ARMC9: variants seen among roughly 807,000 people sequenced by gnomAD.
The protein encoded by ARMC9 is lisH domain-containing protein ARMC9.
ARMC9 carries 94 observed loss-of-function variants against 107.0 expected under a neutral mutation model. That is an observed-to-expected ratio of 0.88 (90% confidence interval 0.74 to 1.04). The LOEUF (loss-of-function observed/expected upper bound fraction) is 1.04, where lower values mean the gene tolerates loss of function less well. ARMC9 is among the 50% of genes least tolerant of loss of function. The pLI is 0.00. For synonymous variants in ARMC9, 380 were observed against 396.9 expected (o/e 0.96, Z 0.51); for missense variants, 942 against 1,030.1 (o/e 0.91, Z 1.17).
At chr2:231,359,137 G>A (rs2045466457) in intron 22 of ARMC9, among the ~76,000 whole-genome samples, 1 of 145,554 alleles carries the variant, frequency 6.9e-6, no homozygotes. Context: ...CCAGGCTGGA[G>A]TGCAGTGGTG....
At chr2:231,223,982 T>G (rs1422485498) in intron 6 of ARMC9, among the ~76,000 whole-genome samples, 1 of 152,172 alleles carries the variant, frequency 6.6e-6, no homozygotes, top group Non-Finnish European at 1.5e-5. Flanking sequence ...ATTTCTCAGC[T>G]TAATTTTTTT....
intron 19 of ARMC9, among the ~76,000 whole-genome samples, chr2:231,329,391 A>G (rs1575102541): frequency 1.3e-5 from 2 of 151,482 alleles, no homozygotes; most frequent in African/African-American, 4.9e-5. Context: ...GCTCACTTCA[A>G]CCTCCGCCTC....
At chr2:231,259,756 G>A (rs1559364915) in intron 11 of ARMC9, among the ~76,000 whole-genome samples, 1 of 152,196 alleles carries the variant, frequency 6.6e-6, no homozygotes, top group Non-Finnish European at 1.5e-5. Context: ...ACACTGGCAG[G>A]CCGAGGCAGG....
chr2:231,362,428 G>A lies in ARMC9; in HGVS notation c.2261+1545G>A, dbSNP rs1190416690. On this transcript the variant is annotated intron_variant, in intron 23 of 24. Coordinates refer to ENST00000611582, the MANE Select transcript of ARMC9 (RefSeq NM_001352754.2). This position sits in a 1 kb window ranked among gnomAD's most constrained non-coding sequence, Gnocchi z 4.7. ...TTTCTGAGGCTCTCCACTGGGGACA[G>A]CCCTCTCTCCCCAGAAATAACTGTT... 6.6e-6 allele frequency among the ~76,000 whole-genome samples: 1 copy of A among 152,012 alleles called. No homozygotes were observed. Among genetic ancestry groups the A allele is most frequent in the African/African-American group, 2.4e-5 (1 of 41,318 alleles).
At chr2:231,208,015 T>G (rs904683664) in intron 2 of ARMC9, 112 bp from the exon 3 acceptor site, 8 of 582,758 alleles carry the variant, frequency 1.4e-5, no homozygotes, top group African/African-American at 1.1e-4. Flanking sequence ...CATGTATCTG[T>G]TGGTCTTTTT....
At chr2:231,246,004 G>A (rs1209921076) in intron 9 of ARMC9, among the ~76,000 whole-genome samples, 2 of 152,158 alleles carry the variant, frequency 1.3e-5, no homozygotes, top group Non-Finnish European at 2.9e-5. Context: ...CAACTCCTAA[G>A]GTAGAAATTC....
chr2:231,213,162 T>C (rs78057594), intron 3 of ARMC9, among the ~76,000 whole-genome samples: 1 of 144,848 alleles, frequency 6.9e-6, no homozygotes, highest in African/African-American at 2.7e-5. Context: ...TAAACGTTTT[T>C]TCTTTTTTTT....
chr2:231,268,003 T>C (rs971325394), intron 12 of ARMC9, among the ~76,000 whole-genome samples: 2 of 152,190 alleles, frequency 1.3e-5, no homozygotes, highest in Non-Finnish European at 2.9e-5. Context: ...TGTGATGTAT[T>C]TGTAAAATGG....
chr2:231,309,313 T>G (rs2042206525), intron 19 of ARMC9, among the ~76,000 whole-genome samples: 1 of 152,218 alleles, frequency 6.6e-6, no homozygotes, highest in African/African-American at 2.4e-5. Flanking sequence ...ATCGGTTGCC[T>G]TGGAAACAGG....
chr2:231,299,303 T>C (rs1027099517), intron 19 of ARMC9, among the ~76,000 whole-genome samples: 2 of 152,018 alleles, frequency 1.3e-5, no homozygotes, highest in African/African-American at 2.4e-5. Context: ...AAAAAGCAAA[T>C]GTATAAAGAC....
chr2:231,313,753 T>C (rs1181707168), intron 19 of ARMC9, among the ~76,000 whole-genome samples: 1 of 151,908 alleles, frequency 6.6e-6, no homozygotes, highest in Non-Finnish European at 1.5e-5. Flanking sequence ...TGTTTTCATT[T>C]TCTTTTTTTT....
At chr2:231,366,727 G>A (rs1449871291) in intron 23 of ARMC9, among the ~76,000 whole-genome samples, 1 of 151,552 alleles carries the variant, frequency 6.6e-6, no homozygotes, top group African/African-American at 2.4e-5. Context: ...TGTAGTCCCA[G>A]CTACTCGGGA....
rs549471674 is a variant in ARMC9, at chr2:231,324,273, A to G, written c.1774-7520A>G. Among the ~76,000 whole-genome samples, 159 of 151,278 alleles carry G rather than the reference A, an allele frequency of 1.1e-3. 1 individual carries two copies. Among genetic ancestry groups the G allele is most frequent in the Non-Finnish European group, 1.3e-3 (90 of 67,772 alleles). ...CTCCTGAGTAGCTGGGACTACAGGC[A>G]CACGCCACCACGCCCAGCTAATTTT... On this transcript the variant is annotated intron_variant, in intron 19 of 24. Transcript: ENST00000611582.
At chr2:231,280,042 T>C (rs548510231) in intron 16 of ARMC9, among the ~76,000 whole-genome samples, 10 of 152,362 alleles carry the variant, frequency 6.6e-5, no homozygotes, top group Admixed American at 2.0e-4. Flanking sequence ...AAACATATTC[T>C]TCCATCTCAT....
At chr2:231,369,907 C>G in intron 23 of ARMC9, 46 bp from the exon 24 acceptor site, 4 of 1,429,732 alleles carry the variant, frequency 2.8e-6, no homozygotes, top group Non-Finnish European at 3.7e-6. Flanking sequence ...CCTGTGGTTT[C>G]TAATGCTGTA....
rs2045422484 is a variant in ARMC9, at chr2:231,358,288, C to A, written c.2131+2354C>A. Among the ~76,000 whole-genome samples the A allele has an allele frequency of 6.6e-6, 1 of 152,190 alleles. No individual in the cohort carries two copies. Among genetic ancestry groups the A allele is most frequent in the Non-Finnish European group, 1.5e-5 (1 of 68,034 alleles). ...TGCCTTCTGCTTCATTCCTTCCCTGCTCAGGAGCTTGCTCTGACTTCCTCC... is the reference window on the plus strand; with the variant it reads ...TGCCTTCTGCTTCATTCCTTCCCTGATCAGGAGCTTGCTCTGACTTCCTCC... On this transcript the variant is annotated intron_variant, in intron 22 of 24. Transcript: ENST00000611582. The surrounding 1 kb of genome is among the most constrained non-coding windows in gnomAD (Gnocchi z 4.5).
chr2:231,352,878 C>G (rs566667638), intron 21 of ARMC9, among the ~76,000 whole-genome samples: 4 of 111,574 alleles, frequency 3.6e-5, no homozygotes, highest in Admixed American at 2.3e-4. Context: ...CAGCCTGGGC[C>G]AAGATGGTGA....
chr2:231,303,956 G>T (rs547249300), intron 19 of ARMC9, among the ~76,000 whole-genome samples: 1 of 151,256 alleles, frequency 6.6e-6, no homozygotes, highest in South Asian at 2.1e-4. Context: ...TTATGGCCAG[G>T]CGTGGTGGCT....
chr2:231,342,278 G>A (rs1013905915), intron 20 of ARMC9, among the ~76,000 whole-genome samples: 13 of 152,352 alleles, frequency 8.5e-5, no homozygotes, highest in African/African-American at 2.2e-4. Context: ...CAGGCCAGAC[G>A]CAGTTTCCCC....
Sources: allele counts gnomAD v4.1 joint callset (sites outside exome capture counted in the v4.1 genomes callset), GRCh38; gene constraint gnomAD v4.1.1; non-coding constraint Gnocchi (gnomAD v3.1); transcripts MANE v1.5; gene names NCBI Gene and HGNC (gene_info 2026-07-23, HGNC 2026-07-21).